SASH1: variants seen among roughly 807,000 people sequenced by gnomAD.
SASH1 encodes the protein SAM and SH3 domain containing 1.
A neutral mutation model predicts 125.2 loss-of-function variants in SASH1; 44 were observed. The ratio of observed to expected loss-of-function variants is 0.35; its 90% CI spans 0.28 to 0.45. SASH1 has a LOEUF of 0.45. Among genes scored for constraint, SASH1 ranks in the 20% least tolerant of loss-of-function variants. SASH1 has a pLI of 1.00. For missense variants in SASH1, 1,426 were observed against 1,614.5 expected (o/e 0.88, Z 2.00); for synonymous variants, 639 against 649.1 (o/e 0.98, Z 0.24).
intron 4 of SASH1, among the ~76,000 whole-genome samples, chr6:148,467,544 A>G (rs900627636): frequency 6.6e-6 from 1 of 152,174 alleles, no homozygotes; most frequent in Admixed American, 6.5e-5. Flanking sequence ...GGTGGGAGGC[A>G]AATTCGATGC....
intron 2 of SASH1, among the ~76,000 whole-genome samples, chr6:148,421,215 A>AAGAAAGAAAGAAAGAAAGAAAGAAAGAG (rs1554255027): frequency 8.0e-6 from 1 of 125,520 alleles, no homozygotes; most frequent in Non-Finnish European, 1.8e-5. Context: ...GAAAGAAAGA[A>AAGAAAGAAAGAAAGAAAGAAAGAAAGAG]AAAGAAAGAA....
At chr6:148,269,764 G>A (rs549518563), upstream of SASH1, among the ~76,000 whole-genome samples, 1 of 152,088 alleles carries the variant, frequency 6.6e-6, no homozygotes, top group Non-Finnish European at 1.5e-5. Context: ...GTGTGGGGGG[G>A]CACAATTCAA....
the SASH1 span, among the ~76,000 whole-genome samples, chr6:148,214,391 C>T: frequency 5.3e-5 from 8 of 152,064 alleles, no homozygotes; most frequent in Admixed American, 5.2e-4. Flanking sequence ...TTAATTTAAC[C>T]TGGATTTGGA....
At chr6:148,460,473 T>TA (rs1339734896) in intron 4 of SASH1, among the ~76,000 whole-genome samples, 1 of 152,232 alleles carries the variant, frequency 6.6e-6, no homozygotes, top group Non-Finnish European at 1.5e-5. Flanking sequence ...TATTACTGTT[T>TA]AGAGTCAACG....
chr6:148,484,049 A>ATTGT (rs142264267), intron 7 of SASH1, among the ~76,000 whole-genome samples: 1 of 152,262 alleles, frequency 6.6e-6, no homozygotes, highest in East Asian at 1.9e-4. Flanking sequence ...AGAATGTTTG[A>ATTGT]TTGTTTGTTT....
intron 1 of SASH1, among the ~76,000 whole-genome samples, chr6:148,299,750 A>G (rs1779888188): frequency 2.0e-5 from 3 of 152,034 alleles, no homozygotes; most frequent in Non-Finnish European, 4.4e-5. Flanking sequence ...GCCTTTAAGT[A>G]TCAGGTCAAC....
chr6:148,341,715 C>T (rs1459633969), upstream of SASH1, among the ~76,000 whole-genome samples: 2 of 151,808 alleles, frequency 1.3e-5, no homozygotes, highest in East Asian at 1.9e-4. Context: ...CCACAATCAA[C>T]AAGAAACAGG....
chr6:148,194,774 C>T, the SASH1 span, among the ~76,000 whole-genome samples: 1 of 152,132 alleles, frequency 6.6e-6, no homozygotes, highest in Admixed American at 6.5e-5. Context: ...GGTTGTGGGG[C>T]GGGCTCCTGT....
At chr6:148,531,450 G>T (rs748416123) in intron 12 of SASH1, 76 bp from the exon 13 acceptor site, 3 of 1,303,388 alleles carry the variant, frequency 2.3e-6, no homozygotes, top group Non-Finnish European at 1.0e-6. Context: ...TTCGTTGAAG[G>T]CCAAGTCGCT....
At chr6:148,302,256 G>A (rs190311601) in intron 1 of SASH1, among the ~76,000 whole-genome samples, 150 of 135,140 alleles carry the variant, frequency 1.1e-3, no homozygotes, top group African/African-American at 4.0e-3. Context: ...AGCTTGGAGT[G>A]AGCCGAGATC....
chr6:148,456,075 C>T (rs1235297613), intron 4 of SASH1, among the ~76,000 whole-genome samples: 2 of 152,198 alleles, frequency 1.3e-5, no homozygotes, highest in Admixed American at 6.5e-5. Context: ...GAATGGGAGC[C>T]ACTGTTTGTT....
upstream of SASH1, among the ~76,000 whole-genome samples, chr6:148,271,127 C>G (rs2128502506): frequency 6.6e-6 from 1 of 152,214 alleles, no homozygotes; most frequent in East Asian, 1.9e-4. Context: ...TCAGGCTGGT[C>G]TCGAACTCCT....
chr6:148,363,900 C>T (rs1782346818), intron 1 of SASH1, among the ~76,000 whole-genome samples: 1 of 152,006 alleles, frequency 6.6e-6, no homozygotes, highest in African/African-American at 2.4e-5. Flanking sequence ...ATATTTTATT[C>T]CCTGTGGATT....
chr6:148,540,518 A>T lies in SASH1; in HGVS notation c.2171A>T (p.Asp724Val). ...SQGLSGCSPR[D>V]SGCYESSENL... ...GGCCTGAGTGGATGCTCACCCCGAG[A>T]CTCAGGATGCTACGAAAGCAGTGAG... Residue 724 changes from aspartate (D) to valine (V), a missense_variant, in exon 17 of 20, where the codon GAC (aspartate) becomes GTC (valine). Physicochemically the swap from Asp to Val is radical, Grantham distance 152. This residue lies in a region of SASH1 where 634 missense variants were observed against 694.4 expected (regional missense o/e 0.91). Transcript: ENST00000367467. 6.2e-7 allele frequency: 1 copy of T among 1,614,076 alleles called. No homozygotes were observed. The highest frequency in any genetic ancestry group is 8.5e-7 in the Non-Finnish European group (1 of 1,179,996).
intron 1 of SASH1, among the ~76,000 whole-genome samples, chr6:148,297,712 C>T (rs1163028034): frequency 6.6e-6 from 1 of 152,032 alleles, no homozygotes; most frequent in African/African-American, 2.4e-5. Context: ...CACCTGTAGT[C>T]TCAGCTACTC....
At position 148,353,497 on chromosome 6, in the gene SASH1, C is replaced by T. The variant is rs539569530; in HGVS notation, c.156+10274C>T. Among the ~76,000 whole-genome samples the T allele has an allele frequency of 3.6e-4, 50 of 138,854 alleles. 1 individual carries two copies. Among genetic ancestry groups the T allele is most frequent in the African/African-American group, 1.1e-3 (43 of 37,760 alleles). The allele number at this position is 138,854 out of a possible 152,430, so 91.1% of individuals were successfully genotyped here. ...TCTCCCACGCTGGAGTGCAGTGGCGCGATCTCGGCTCACTGCAACCTCTGC... is the reference window on the plus strand; with the variant it reads ...TCTCCCACGCTGGAGTGCAGTGGCGTGATCTCGGCTCACTGCAACCTCTGC... On this transcript the variant is annotated intron_variant, in intron 1 of 19. Coordinates refer to ENST00000367467, the MANE Select transcript of SASH1 (RefSeq NM_015278.5).
At chr6:148,446,195 G>A (rs984648305) in intron 4 of SASH1, among the ~76,000 whole-genome samples, 1 of 134,768 alleles carries the variant, frequency 7.4e-6, no homozygotes. Context: ...TGCAAGCTCC[G>A]CCTCCCAGGT....
At chr6:148,374,917 G>C (rs1236824611) in intron 1 of SASH1, among the ~76,000 whole-genome samples, 2 of 152,086 alleles carry the variant, frequency 1.3e-5, no homozygotes, top group East Asian at 3.9e-4. Flanking sequence ...GGCTGGCCTC[G>C]AACACGTGGC....
chr6:148,526,121 C>T (rs557812275), intron 11 of SASH1, among the ~76,000 whole-genome samples: 2 of 129,262 alleles, frequency 1.5e-5, no homozygotes, highest in East Asian at 5.3e-4. Context: ...TGTAGTGGCA[C>T]AATCTTGCCT....
Sources: allele counts gnomAD v4.1 joint callset (sites outside exome capture counted in the v4.1 genomes callset), GRCh38; gene constraint gnomAD v4.1.1; regional missense constraint gnomAD v4.1.1; transcripts MANE v1.5; gene names NCBI Gene and HGNC (gene_info 2026-07-23, HGNC 2026-07-21).